Variants in KCTD2 observed in about 807,000 individuals in gnomAD.
KCTD2 encodes the protein potassium channel tetramerization domain containing 2.
KCTD2 carries 18 observed loss-of-function variants against 27.9 expected under a neutral mutation model. That is an observed-to-expected ratio of 0.64 (90% CI 0.45 to 0.96). The LOEUF is 0.96. Among genes scored for constraint, KCTD2 ranks in the 40% least tolerant of loss-of-function variants. The pLI is 0.00. For missense variants in KCTD2, 280 were observed against 348.0 expected (o/e 0.80, Z 1.56); for synonymous variants, 175 against 148.4 (o/e 1.18, Z -1.30).
chr17:75,060,529 T>G, intron 4 of KCTD2: 1 of 1,612,800 alleles, frequency 6.2e-7, no homozygotes. Context: ...CCAGCTGCTC[T>G]TGATGCCCTT....
At chr17:75,035,629 C>T (rs1208325341) in intron 3 of KCTD2, among the ~76,000 whole-genome samples, 1 of 152,126 alleles carries the variant, frequency 6.6e-6, no homozygotes, top group Non-Finnish European at 1.5e-5. Context: ...ACCCGCCTGA[C>T]CAACATGGTG....
At chr17:75,039,671 C>T (rs192537098) in intron 3 of KCTD2, 58 of 271,680 alleles carry the variant, frequency 2.1e-4, no homozygotes, top group Non-Finnish European at 3.3e-4. Context: ...TATTTGAATA[C>T]TACTTGGGTA....
intron 3 of KCTD2, 27 bp downstream of exon 3, chr17:75,053,132 GGTT>G (rs1177994327): frequency 6.3e-7 from 1 of 1,575,130 alleles, no homozygotes; most frequent in African/African-American, 1.3e-5. Flanking sequence ...TGTTAAGGAG[GGTT>G]GTTTCAAGTG....
At chr17:75,062,429 T>C (rs1389679835) in intron 5 of KCTD2, among the ~76,000 whole-genome samples, 184 bp downstream of exon 5, 1 of 152,110 alleles carries the variant, frequency 6.6e-6, no homozygotes, top group Non-Finnish European at 1.5e-5. Flanking sequence ...CACTGACAGG[T>C]GTTTTTAGTT....
At chr17:75,060,394 G>A (rs2073392061) in intron 4 of KCTD2, 1 of 1,493,740 alleles carries the variant, frequency 6.7e-7, no homozygotes, top group Non-Finnish European at 9.1e-7. Context: ...GTGATCCTCT[G>A]CCACTTATTA....
At chr17:75,046,296 C>T (rs2073215517), upstream of KCTD2, among the ~76,000 whole-genome samples, 1 of 152,270 alleles carries the variant, frequency 6.6e-6, no homozygotes, top group South Asian at 2.1e-4. Flanking sequence ...GTTGGCCAGG[C>T]TGGTCTCGAA....
At position 75,060,182 on chromosome 17, in the gene KCTD2, TC is replaced by T. The variant is rs149448845; in HGVS notation, c.636+578del. Among the ~76,000 whole-genome samples, 829 of 152,284 alleles carry T rather than the reference TC, an allele frequency of 5.4e-3. 15 individuals are homozygous for T. Among genetic ancestry groups the T allele is most frequent in the East Asian group, 0.048 (249 of 5,180 alleles). On this transcript the variant is annotated intron_variant, in intron 4 of 5. Coordinates refer to ENST00000322444, the MANE Select transcript of KCTD2 (RefSeq NM_015353.3). ...CCATTAGATGGCAGACTTGTTAAAT[TC>T]TGTTGCCTTCAAAACATAGGAAGGC...
At chr17:75,042,471 C>G (rs1251874087), upstream of KCTD2, 1 of 1,588,512 alleles carries the variant, frequency 6.3e-7, no homozygotes. Flanking sequence ...TTCCTTAATA[C>G]TGTTTTGTTT....
intron 3 of KCTD2, chr17:75,040,234 A>G (rs1045657810): frequency 1.3e-5 from 21 of 1,583,308 alleles, no homozygotes; most frequent in Non-Finnish European, 1.6e-5. Context: ...GTCGTCGCCA[A>G]TACACCCAGG....
intron 3 of KCTD2, chr17:75,036,090 G>A (rs769139162): frequency 1.1e-5 from 5 of 453,132 alleles, no homozygotes; most frequent in African/African-American, 2.0e-5. Flanking sequence ...GTCTCGCTCT[G>A]TCACCCAGGG....
chr17:75,035,781 C>T (rs2040109734), intron 3 of KCTD2, among the ~76,000 whole-genome samples: 1 of 152,168 alleles, frequency 6.6e-6, no homozygotes, highest in South Asian at 2.1e-4. Flanking sequence ...TGCAGTGAGC[C>T]GTGATCGCGC....
intron 4 of KCTD2, among the ~76,000 whole-genome samples, chr17:75,061,003 T>C (rs1423616069): frequency 6.6e-6 from 1 of 152,236 alleles, no homozygotes; most frequent in Non-Finnish European, 1.5e-5. Context: ...GCCAAGAGTT[T>C]AATGCCCTCC....
chr17:75,033,728 C>T (rs1370666182), intron 1 of KCTD2, among the ~76,000 whole-genome samples: 2 of 152,236 alleles, frequency 1.3e-5, no homozygotes, highest in African/African-American at 4.8e-5. Flanking sequence ...GGGGCTGGTG[C>T]TCGCTAAGTA....
chr17:75,038,841 AGAG>A, intron 3 of KCTD2: 1 of 1,416,688 alleles, frequency 7.1e-7, no homozygotes, highest in Non-Finnish European at 9.5e-7. Flanking sequence ...TCTCAACCAC[AGAG>A]AAGAAGCACA....
intron 2 of KCTD2, chr17:75,034,235 C>T (rs548740243): frequency 1.2e-4 from 18 of 152,328 alleles, no homozygotes; most frequent in East Asian, 1.9e-4. Flanking sequence ...CCCAGGACAC[C>T]CCAGCTCCAC....
chr17:75,058,609 G>A (rs986497799), intron 3 of KCTD2, among the ~76,000 whole-genome samples: 37 of 149,682 alleles, frequency 2.5e-4, no homozygotes, highest in African/African-American at 6.9e-4. Context: ...ACCAAGCCTG[G>A]CCAACATGGT....
chr17:75,058,300 C>T (rs2073369219), intron 3 of KCTD2, among the ~76,000 whole-genome samples: 2 of 149,438 alleles, frequency 1.3e-5, no homozygotes, highest in Admixed American at 1.3e-4. Flanking sequence ...GCACTCCAGC[C>T]TGGGCGACAG....
In KCTD2 at chr17:75,033,746, G is replaced by T. The variant is rs1332399663; in HGVS notation, c.-469-287G>T. Among the ~76,000 whole-genome samples the T allele has an allele frequency of 3.3e-5, 5 of 152,346 alleles. No individual in the cohort carries two copies. The East Asian group carries it at 9.7e-4, about 29-fold the overall frequency. On this transcript the variant is annotated intron_variant, in intron 1 of 7. Coordinates refer to the KCTD2 transcript ENST00000581589. ...GCTGGTGCTCGCTAAGTAAGGATGG[G>T]GGCAGGTCCCTGCGCACCGCGGTAT...
intron 5 of KCTD2, among the ~76,000 whole-genome samples, chr17:75,062,699 AAC>A (rs10533801): frequency 0.32 from 37,348 of 115,672 alleles, 6,253 homozygotes; most frequent in Non-Finnish European, 0.4. Flanking sequence ...CCTCACCCCC[AAC>A]ACACACACAC....
Sources: allele counts gnomAD v4.1 joint callset (sites outside exome capture counted in the v4.1 genomes callset), GRCh38; gene constraint gnomAD v4.1.1; transcripts MANE v1.5; gene names NCBI Gene and HGNC (gene_info 2026-07-23, HGNC 2026-07-21).